The following BANP variants were observed in gnomAD, a reference collection of about 807,000 sequenced individuals.
BANP encodes BTG3 associated nuclear protein.
Under a neutral mutation model 68.1 loss-of-function variants are expected in BANP, and 11 were observed. That is an observed-to-expected ratio of 0.16 (90% CI 0.10 to 0.27). The LOEUF (loss-of-function observed/expected upper bound fraction) is 0.27, where lower values mean the gene tolerates loss of function less well. Among genes scored for constraint, BANP ranks in the 10% least tolerant of loss-of-function variants. The probability of loss-of-function intolerance (pLI) is 1.00; values close to 1 mark genes in which losing one functional copy is unlikely to be tolerated. For missense variants in BANP, 504 were observed against 722.7 expected, an observed-to-expected ratio of 0.70 and a Z score of 3.47; for synonymous variants, 329 against 303.2, an observed-to-expected ratio of 1.09 and a Z score of -0.88.
intron 11 of BANP, among the ~76,000 whole-genome samples, chr16:88,040,347 C>T (rs914999162): frequency 1.3e-5 from 2 of 151,900 alleles, no homozygotes; most frequent in African/African-American, 4.8e-5. Context: ...GCTGGCCACA[C>T]GTTTGGGAGA....
Position 88,018,555 on chromosome 16 carries a change from C to A in BANP, c.783C>A (p.Leu261=), listed in dbSNP as rs7499814. The A allele has an allele frequency of 0.77, 1,247,000 of 1,612,238 alleles. 492,758 individuals are homozygous for A. The highest frequency in any genetic ancestry group is 0.82 in the Non-Finnish European group (968,504 of 1,179,474). The change falls in exon 7 of 14, where the codon CTC becomes CTA. Residue 261 remains leucine, a synonymous_variant. Transcript: ENST00000682872. This position sits in a 1 kb window ranked among gnomAD's most constrained non-coding sequence, Gnocchi z 7.7. Reference sequence around the variant, plus strand: ...GCCGCACGGCCGAGAAGATGGCGCTCACGCTGCTGGACTACCTCTTCCACC... The same window carrying A: ...GCCGCACGGCCGAGAAGATGGCGCTAACGCTGCTGGACTACCTCTTCCACC... ...TNCRTAEKMA[L]TLLDYLFHRE...
At chr16:88,068,080 C>T (rs538182390) in intron 12 of BANP, among the ~76,000 whole-genome samples, 3 of 152,240 alleles carry the variant, frequency 2.0e-5, no homozygotes, top group Non-Finnish European at 4.4e-5. Context: ...CACTTCGTTT[C>T]CATTTTCACA....
intron 11 of BANP, among the ~76,000 whole-genome samples, chr16:88,038,970 C>T (rs1435490792): frequency 6.6e-6 from 1 of 152,228 alleles, no homozygotes; most frequent in Non-Finnish European, 1.5e-5. Context: ...CATGCGTTCT[C>T]TTTGTCAAGG....
intron 2 of BANP, among the ~76,000 whole-genome samples, chr16:87,977,406 G>A (rs1467496264): frequency 7.0e-6 from 1 of 142,730 alleles, no homozygotes. Flanking sequence ...GCGACAGAGC[G>A]AGACTCCGTC....
chr16:87,996,774 G>C (rs1201588844), intron 4 of BANP, among the ~76,000 whole-genome samples: 2 of 152,228 alleles, frequency 1.3e-5, no homozygotes, highest in African/African-American at 4.8e-5. Context: ...CCATTGCATA[G>C]GTTTTCAAGG....
At chr16:88,060,763 C>G (rs2086524536) in intron 11 of BANP, among the ~76,000 whole-genome samples, 1 of 152,146 alleles carries the variant, frequency 6.6e-6, no homozygotes, top group African/African-American at 2.4e-5. Context: ...TCTCCCTTTC[C>G]TGGGGACACC....
rs116225084 is a variant in BANP, at chr16:88,041,085, C to T, written c.1311+3074C>T. Among the ~76,000 whole-genome samples, 498 of 152,392 alleles carry T rather than the reference C, an allele frequency of 3.3e-3. 4 individuals are homozygous for T. The highest frequency in any genetic ancestry group is 0.011 in the African/African-American group (478 of 41,608). ...CCCTGTGCCCCCACATCCTGCACCC[C>T]AGCCCCTTTCCTTGTGCTGGGCTCA... is the stretch of plus-strand genomic sequence containing the variant. On this transcript the variant is annotated intron_variant, in intron 11 of 13. Coordinates refer to ENST00000682872, the MANE Select transcript of BANP (RefSeq NM_001386991.1).
At chr16:88,025,946 C>G (rs375381366) in intron 7 of BANP, among the ~76,000 whole-genome samples, 29 of 152,320 alleles carry the variant, frequency 1.9e-4, no homozygotes, top group African/African-American at 6.7e-4. Flanking sequence ...ATTGAAGAGC[C>G]CTTCCCATCA....
intron 4 of BANP, among the ~76,000 whole-genome samples, chr16:87,991,935 C>T (rs1019290014): frequency 5.3e-5 from 8 of 152,046 alleles, no homozygotes; most frequent in African/African-American, 1.9e-4. Context: ...TTGCCTTATT[C>T]CTGATCTTTG....
intron 6 of BANP, among the ~76,000 whole-genome samples, chr16:88,013,190 C>T (rs899397334): frequency 2.0e-5 from 3 of 152,226 alleles, no homozygotes; most frequent in Admixed American, 6.5e-5. Context: ...ACTTGGCCTG[C>T]GACCTCGATC....
At chr16:88,042,653 A>C (rs2081107942) in intron 11 of BANP, among the ~76,000 whole-genome samples, 1 of 152,028 alleles carries the variant, frequency 6.6e-6, no homozygotes, top group Non-Finnish European at 1.5e-5. Context: ...GTGCTGGCTC[A>C]CACCTGTAAT....
intron 12 of BANP, among the ~76,000 whole-genome samples, chr16:88,070,183 G>A (rs1461568414): frequency 6.6e-6 from 1 of 152,186 alleles, no homozygotes; most frequent in African/African-American, 2.4e-5. Context: ...ACTATCAGTA[G>A]GGCCATTGGT....
chr16:88,073,371 C>G (rs533184374), intron 13 of BANP, among the ~76,000 whole-genome samples: 1 of 152,284 alleles, frequency 6.6e-6, no homozygotes, highest in East Asian at 1.9e-4. Context: ...TCCTGCTGTG[C>G]CCATGGGCAC....
intron 2 of BANP, among the ~76,000 whole-genome samples, chr16:87,975,809 G>A (rs557856734): frequency 6.0e-5 from 6 of 100,528 alleles, no homozygotes; most frequent in Admixed American, 2.9e-4. Flanking sequence ...CCCTGTGTGC[G>A]GCGTCATGGA....
chr16:88,011,559 CAAAAT>C (rs1202573805), intron 6 of BANP, among the ~76,000 whole-genome samples: 1 of 152,112 alleles, frequency 6.6e-6, no homozygotes, highest in African/African-American at 2.4e-5. Flanking sequence ...AAAAGACAAA[CAAAAT>C]AAAAGCAGCC....
chr16:87,951,119 G>A (rs1418780205), upstream of BANP, among the ~76,000 whole-genome samples: 1 of 152,250 alleles, frequency 6.6e-6, no homozygotes, highest in Non-Finnish European at 1.5e-5. Flanking sequence ...CCTGGGAGGT[G>A]TAGTAGTTGA....
chr16:87,999,924 G>A (rs1476341629), intron 4 of BANP, among the ~76,000 whole-genome samples: 2 of 116,242 alleles, frequency 1.7e-5, no homozygotes, highest in Admixed American at 8.3e-5. Context: ...CTCCATGCAC[G>A]CACGTGCGCG....
At position 87,996,692 on chromosome 16, in the gene BANP, G is replaced by A. The variant is rs547164338; in HGVS notation, c.363-7603G>A. On this transcript the variant is annotated intron_variant, in intron 4 of 13. Coordinates refer to ENST00000682872, the MANE Select transcript of BANP (RefSeq NM_001386991.1). ...GTGTTGCTGGGCCCTCGTCCTGGGC[G>A]CCGGCTGGGCTCTGGTCCTCAGCGT... Among the ~76,000 whole-genome samples the A allele has an allele frequency of 7.3e-3, 1,104 of 151,986 alleles. 17 individuals carry two copies. The highest frequency in any genetic ancestry group is 0.025 in the African/African-American group (1,039 of 41,376).
chr16:87,996,759 C>T (rs190094515), intron 4 of BANP, among the ~76,000 whole-genome samples: 6 of 152,370 alleles, frequency 3.9e-5, no homozygotes, highest in Admixed American at 3.3e-4. Context: ...GTTGTCTGCA[C>T]TGAACCATTG....
Sources: gnomAD v4.1 joint callset for allele counts (sites outside exome capture counted in the v4.1 genomes callset) on GRCh38, gnomAD v4.1.1 for gene constraint, Gnocchi (gnomAD v3.1) non-coding constraint, MANE v1.5 for transcripts, NCBI Gene and HGNC (gene_info 2026-07-23, HGNC 2026-07-21) for gene names.